The following PDILT variants were observed in gnomAD, a reference collection of about 807,000 sequenced individuals.
The protein encoded by PDILT is protein disulfide isomerase like, testis expressed, also known as protein disulfide-isomerase-like protein of the testis.
In PDILT, 43 loss-of-function variants were observed where a neutral mutation model predicts 53.7. The observed-to-expected ratio is 0.80, with a 90% CI of 0.63 to 1.03. PDILT has a LOEUF of 1.03. PDILT is among the 50% of genes least tolerant of loss of function. PDILT has a pLI of 0.00. For synonymous variants in PDILT, 282 were observed against 274.2 expected, an observed-to-expected ratio of 1.03 and a Z score of -0.28; for missense variants, 727 against 712.3, an observed-to-expected ratio of 1.02 and a Z score of -0.24.
At position 20,372,819 on chromosome 16, in the gene PDILT, T is replaced by C. The variant is rs1253771206; in HGVS notation, c.901A>G (p.Lys301Glu). 6.2e-7 allele frequency: 1 copy of C among 1,614,020 alleles called. No individual in the cohort carries two copies. Among genetic ancestry groups the C allele is most frequent in the East Asian group, 2.2e-5 (1 of 44,882 alleles). The change falls in exon 7 of 12, where the codon AAG becomes GAG. Residue 301 changes from lysine to glutamate, a missense_variant. Transcript: ENST00000302451. Reference sequence around the variant, plus strand: ...CTACAAACCTTGTTTTGGAATTCCTTTGATGCCAGCTTATAATGCTGAATT... The same window carrying C: ...CTACAAACCTTGTTTTGGAATTCCTCTGATGCCAGCTTATAATGCTGAATT... ...IIIQHYKLAS[K>E]EFQNKILFIL...
In PDILT at chr16:20,365,468, A is replaced by G. The variant is rs1289828491; in HGVS notation, c.1189T>C (p.Phe397Leu). 6.2e-7 allele frequency: 1 copy of G among 1,613,854 alleles called. No individual in the cohort carries two copies. The highest frequency in any genetic ancestry group is 8.5e-7 in the Non-Finnish European group (1 of 1,179,814). Residue 397 changes from phenylalanine to leucine, a missense_variant, in exon 9 of 12, where the codon TTC (phenylalanine) becomes CTC (leucine). Phe to Leu is a conservative substitution (Grantham distance 22, BLOSUM62 0). Coordinates refer to ENST00000302451, the MANE Select transcript of PDILT (RefSeq NM_174924.2). ...GLVKQLVGKN[F>L]NVVVFDKEKD... ...TCTTTGTCAAAGACGACTACGTTGA[A>G]GTTCTTCCCCACGAGCTGCTTAACC...
intron 2 of PDILT, among the ~76,000 whole-genome samples, chr16:20,386,946 C>A (rs1451406990): frequency 6.6e-6 from 1 of 152,130 alleles, no homozygotes; most frequent in Non-Finnish European, 1.5e-5. Context: ...CAACCCAGTG[C>A]CCCTGGGTGT....
Position 20,365,463 on chromosome 16 carries a change from G to T in PDILT, c.1194C>A (p.Asn398Lys), listed in dbSNP as rs755292330. 1 of 1,613,914 alleles carries T rather than the reference G, an allele frequency of 6.2e-7. No homozygotes were observed. Among genetic ancestry groups the T allele is most frequent in the African/African-American group, 1.3e-5 (1 of 75,036 alleles). ...CCTTTTCTTTGTCAAAGACGACTAC[G>T]TTGAAGTTCTTCCCCACGAGCTGCT... is the stretch of plus-strand genomic sequence containing the variant. ...LVKQLVGKNF[N>K]VVVFDKEKDV... Residue 398 changes from asparagine to lysine, a missense_variant, in exon 9 of 12, where the codon AAC becomes AAA. By Grantham distance (94) the Asn-to-Lys change is moderately conservative. Transcript: ENST00000302451.
chr16:20,369,341 G>C (rs1451913071), intron 8 of PDILT, 151 bp downstream of exon 8: 4 of 838,688 alleles, frequency 4.8e-6, no homozygotes, highest in Non-Finnish European at 7.8e-6. Flanking sequence ...GATTTGAGGT[G>C]GGGAGATGGG....
intron 9 of PDILT, 83 bp downstream of exon 9, chr16:20,365,337 T>G: frequency 6.6e-7 from 1 of 1,521,810 alleles, no homozygotes; most frequent in Non-Finnish European, 9.0e-7. Context: ...TTTTAGAGAT[T>G]TCAGTGCCCA....
intron 1 of PDILT, among the ~76,000 whole-genome samples, chr16:20,400,032 A>G (rs1207716712): frequency 5.0e-5 from 6 of 119,258 alleles, no homozygotes; most frequent in African/African-American, 1.8e-4. Context: ...CTATCTATCT[A>G]TCTATCTATC....
At chr16:20,373,860 G>C (rs35449439) in intron 5 of PDILT, among the ~76,000 whole-genome samples, 37,286 of 152,074 alleles carry the variant, frequency 0.25, 5,252 homozygotes, top group Non-Finnish European at 0.31. Flanking sequence ...GGCTTGGGAG[G>C]CTGCCTGATT....
chr16:20,367,018 CTCTTTCTTCTTTCTTTCTTTCTT>C (rs1966209060), intron 8 of PDILT, among the ~76,000 whole-genome samples: 1 of 137,112 alleles, frequency 7.3e-6, no homozygotes, highest in South Asian at 2.5e-4. Flanking sequence ...ATTTCTCTCT[CTCTTTCTTCTTTCTTTCTTTCTT>C]TCTTTCTTTC....
chr16:20,397,957 A>T (rs538288483), intron 2 of PDILT, among the ~76,000 whole-genome samples: 2 of 152,150 alleles, frequency 1.3e-5, no homozygotes, highest in East Asian at 3.9e-4. Flanking sequence ...CTAATTCTCC[A>T]AATCCTACCA....
chr16:20,362,270 G>T, intron 10 of PDILT, 134 bp downstream of exon 10: 1 of 905,190 alleles, frequency 1.1e-6, no homozygotes, highest in Non-Finnish European at 1.7e-6. Context: ...ACTTGAATGT[G>T]AGAGGATGGA....
intron 8 of PDILT, among the ~76,000 whole-genome samples, 186 bp downstream of exon 8, chr16:20,369,306 C>T (rs143229445): frequency 3.0e-3 from 462 of 152,286 alleles, no homozygotes; most frequent in Non-Finnish European, 4.7e-3. Flanking sequence ...GAATTAAAGG[C>T]TTGGGATAGG....
chr16:20,385,167 G>A (rs571505354), intron 2 of PDILT, among the ~76,000 whole-genome samples: 9 of 152,290 alleles, frequency 5.9e-5, no homozygotes, highest in Middle Eastern at 3.4e-3. Context: ...TCAAGGAATC[G>A]TCAGAGTTAA....
intron 2 of PDILT, among the ~76,000 whole-genome samples, chr16:20,390,411 C>A (rs1966594218): frequency 6.6e-6 from 1 of 152,132 alleles, no homozygotes; most frequent in Admixed American, 6.5e-5. Flanking sequence ...TGGATCACTG[C>A]CTCACCACCT....
intron 8 of PDILT, among the ~76,000 whole-genome samples, chr16:20,367,249 C>T (rs769841651): frequency 2.6e-5 from 4 of 151,994 alleles, no homozygotes; most frequent in Admixed American, 6.6e-5. Flanking sequence ...ACTACAGGTG[C>T]GTGCCACCAC....
intron 2 of PDILT, among the ~76,000 whole-genome samples, chr16:20,394,224 A>C (rs925445726): frequency 1.3e-5 from 2 of 152,226 alleles, no homozygotes; most frequent in African/African-American, 4.8e-5. Flanking sequence ...GAGCCAAGGC[A>C]ATCTCTTGGA....
intron 3 of PDILT, 55 bp from the exon 4 acceptor site, chr16:20,376,256 C>T: frequency 1.9e-6 from 3 of 1,599,036 alleles, no homozygotes; most frequent in Non-Finnish European, 2.6e-6. Context: ...TGAACCAAAG[C>T]AAGAAGCTGG....
At position 20,359,403 on chromosome 16, in the gene PDILT, T is replaced by C; in HGVS notation, c.1671A>G (p.Thr557=). 6.2e-7 allele frequency: 1 copy of C among 1,614,196 alleles called. No individual in the cohort carries two copies. Among genetic ancestry groups the C allele is most frequent in the South Asian group, 1.1e-5 (1 of 91,078 alleles). The change falls in exon 12 of 12, where the codon ACA becomes ACG. Residue 557 remains threonine, a synonymous_variant. Coordinates refer to ENST00000302451, the MANE Select transcript of PDILT (RefSeq NM_174924.2). ...KLEEPAGKKK[T]SEEVVVVVAK... is the part of the protein sequence containing the mutation. ...CCACCACCACCACCACCTCCTCAGA[T>C]GTTTTCTTCTTCCCAGCGGGCTCTT...
intron 3 of PDILT, among the ~76,000 whole-genome samples, chr16:20,383,765 C>G (rs575320033): frequency 1.3e-5 from 2 of 152,312 alleles, no homozygotes; most frequent in East Asian, 3.9e-4. Flanking sequence ...ACTGGCATGG[C>G]TGTTACAGGC....
intron 2 of PDILT, among the ~76,000 whole-genome samples, chr16:20,392,653 G>A (rs1367685438): frequency 6.6e-6 from 1 of 152,184 alleles, no homozygotes; most frequent in Non-Finnish European, 1.5e-5. Flanking sequence ...AGATGCAAAT[G>A]TAATGAGATT....
Sources: gnomAD v4.1 joint callset for allele counts (sites outside exome capture counted in the v4.1 genomes callset) on GRCh38, gnomAD v4.1.1 for gene constraint, MANE v1.5 for transcripts, NCBI Gene and HGNC (gene_info 2026-07-23, HGNC 2026-07-21) for gene names.